The following ZNF471 variants were observed in gnomAD, a reference collection of about 807,000 sequenced individuals.
ZNF471 encodes the protein zinc finger protein 471.
Under a neutral mutation model 13.7 loss-of-function variants are expected in ZNF471, and 7 were observed. That is an observed-to-expected ratio of 0.51 (90% CI 0.29 to 0.96). The LOEUF (loss-of-function observed/expected upper bound fraction) is 0.96. Ranked by LOEUF, ZNF471 falls within the 40% of genes least tolerant of loss-of-function variation. ZNF471 has a pLI of 0.08. For missense variants in ZNF471, 663 were observed against 743.3 expected (o/e 0.89, Z 1.26); for synonymous variants, 218 against 235.6 (o/e 0.93, Z 0.68).
chr19:56,510,852 A>C lies in ZNF471; in HGVS notation c.-55-665A>C. 1 of 985,442 alleles carries C rather than the reference A, an allele frequency of 1.0e-6. No homozygotes were observed. Among genetic ancestry groups the C allele is most frequent in the Non-Finnish European group, 1.2e-6 (1 of 829,948 alleles). The allele number at this position is 985,442 out of a possible 1,614,324, so 61.0% of individuals were successfully genotyped here. ...GTAAGAAGCAAAGCTGGGGTGACTG[A>C]AGCTCCTAACTGAAGCAGGAGACAC... On this transcript the variant is annotated intron_variant, in intron 1 of 4. Coordinates refer to ENST00000308031, the MANE Select transcript of ZNF471 (RefSeq NM_020813.4). The surrounding 1 kb of genome is among the most constrained non-coding windows in gnomAD (Gnocchi z 4.3).
At position 56,525,219 on chromosome 19, in the gene ZNF471, C is replaced by T. The variant is rs370052697; in HGVS notation, c.1152C>T (p.Phe384=). ...PFNCIDCGKA[F]SVHIGLILHR... ...ATTGCATTGATTGTGGGAAAGCCTT[C>T]AGTGTTCACATAGGACTTATTCTGC... The change falls in exon 5 of 5, where the codon TTC becomes TTT. Residue 384 remains phenylalanine, a synonymous_variant. Coordinates refer to ENST00000308031, the MANE Select transcript of ZNF471 (RefSeq NM_020813.4). The T allele has an allele frequency of 1.9e-6, 3 of 1,614,016 alleles. No individual in the cohort carries two copies.
intron 2 of ZNF471, among the ~76,000 whole-genome samples, chr19:56,515,524 C>G (rs937067111): frequency 3.3e-5 from 5 of 152,146 alleles, no homozygotes; most frequent in African/African-American, 1.2e-4. Flanking sequence ...AAACACTAAT[C>G]TTCAGAACAA....
At chr19:56,512,086 G>A (rs2043819852) in intron 2 of ZNF471, among the ~76,000 whole-genome samples, 1 of 151,756 alleles carries the variant, frequency 6.6e-6, no homozygotes, top group Non-Finnish European at 1.5e-5. Flanking sequence ...TCGTTCACCT[G>A]AAAAATCTTA....
intron 2 of ZNF471, 68 bp downstream of exon 2, chr19:56,511,672 T>G: frequency 7.5e-7 from 1 of 1,325,614 alleles, no homozygotes; most frequent in Non-Finnish European, 1.1e-6. Context: ...GTAATGCTTC[T>G]TTTCTTTTGA....
chr19:56,523,819 T>TTTTTTG (rs1183897874), intron 4 of ZNF471, among the ~76,000 whole-genome samples: 12 of 152,104 alleles, frequency 7.9e-5, no homozygotes, highest in African/African-American at 2.4e-4. Context: ...TTTGTTTTTG[T>TTTTTTG]TTTTTGTTTT....
At position 56,524,585 on chromosome 19, in the gene ZNF471, T is replaced by C. The variant is rs1568475835; in HGVS notation, c.518T>C (p.Ile173Thr). ...GGGAAATGTATCCATCTGGAAAACA[T>C]AGAAGAGAGTATTTATAATCACACA... is the stretch of plus-strand genomic sequence containing the variant. ...KFGKCIHLEN[I>T]EESIYNHTSD... The change falls in exon 5 of 5, where the codon ATA (isoleucine) becomes ACA (threonine). Residue 173 changes from isoleucine (I) to threonine (T), a missense_variant. Physicochemically the swap from Ile to Thr is moderately conservative, Grantham distance 89. Transcript: ENST00000308031. This position sits in a 1 kb window ranked among gnomAD's most constrained non-coding sequence, Gnocchi z 4.8. 4 of 1,595,654 alleles carry C rather than the reference T, an allele frequency of 2.5e-6. No homozygotes were observed. Among genetic ancestry groups the C allele is most frequent in the Non-Finnish European group, 2.6e-6 (3 of 1,175,296 alleles).
chr19:56,520,107 A>T (rs573595167), intron 4 of ZNF471, among the ~76,000 whole-genome samples: 6 of 152,346 alleles, frequency 3.9e-5, no homozygotes, highest in Non-Finnish European at 8.8e-5. Context: ...GCTTGGATGT[A>T]CTTTATACTT....
At chr19:56,521,116 C>A (rs1219524681) in intron 4 of ZNF471, among the ~76,000 whole-genome samples, 1 of 152,130 alleles carries the variant, frequency 6.6e-6, no homozygotes, top group African/African-American at 2.4e-5. Context: ...ATGGGGGAAA[C>A]TGCCCCCATG....
Position 56,507,908 on chromosome 19 carries a change from G to T in ZNF471, c.-68G>T, listed in dbSNP as rs2043753587. 1.0e-6 allele frequency: 1 copy of T among 985,620 alleles called. No individual in the cohort carries two copies. The highest frequency in any genetic ancestry group is 1.2e-6 in the Non-Finnish European group (1 of 830,042). The allele number at this position is 985,620 out of a possible 1,614,324, so 61.1% of individuals were successfully genotyped here. A position where few individuals can be genotyped will look rare whatever the true frequency, so the allele number is the denominator to read the frequency against. ...TTCGGATGAGAGCGTCTGGGTGCCA[G>T]ACGAGGCCGGGGGTTTGTTTTGGGT... On this transcript the variant is annotated 5_prime_UTR_variant, in exon 1 of 5. Coordinates refer to ENST00000308031, the MANE Select transcript of ZNF471 (RefSeq NM_020813.4).
At chr19:56,511,441 A>AGAC in intron 1 of ZNF471, 76 bp from the exon 2 acceptor site, 12 of 1,144,516 alleles carry the variant, frequency 1.0e-5, no homozygotes, top group Non-Finnish European at 1.5e-5. Context: ...GGGAAGAAGA[A>AGAC]GACAGTTTTA....
At position 56,511,582 on chromosome 19, in the gene ZNF471, A is replaced by C. The variant is rs2043812527; in HGVS notation, c.11A>C (p.Glu4Ala). MNV[E>A]VVKVMPQDLV... ...GAAGAGAAGGCAAAAATGAATGTTG[A>C]AGTAGTAAAAGTCATGCCCCAGGTT... The change falls in exon 2 of 5, where the codon GAA (glutamate) becomes GCA (alanine). Residue 4 changes from glutamate to alanine, a missense_variant. Transcript: ENST00000308031. 1.9e-6 allele frequency: 3 copies of C among 1,613,968 alleles called. No individual in the cohort carries two copies. The highest frequency in any genetic ancestry group is 1.7e-6 in the Non-Finnish European group (2 of 1,179,854).
At chr19:56,517,175 T>C (rs1157926583) in intron 3 of ZNF471, among the ~76,000 whole-genome samples, 3 of 148,756 alleles carry the variant, frequency 2.0e-5, no homozygotes, top group Non-Finnish European at 4.5e-5. Flanking sequence ...ACAGTCTTGC[T>C]CTGTTGCCCA....
chr19:56,525,398 C>T lies in ZNF471; in HGVS notation c.1331C>T (p.Ala444Val). ...TGTGGGAAAGATTTTAGCCATCATG[C>T]ATCACTCACTCAGCATCAAAGAGTA... is the stretch of plus-strand genomic sequence containing the variant. ...DICGKDFSHH[A>V]SLTQHQRVHS... The change falls in exon 5 of 5, where the codon GCA becomes GTA. Residue 444 changes from alanine (A) to valine (V), a missense_variant. Transcript: ENST00000308031. 3.1e-6 allele frequency: 5 copies of T among 1,614,112 alleles called. No individual in the cohort carries two copies. The highest frequency in any genetic ancestry group is 2.2e-5 in the South Asian group (2 of 91,068).
At chr19:56,512,052 T>G (rs1157819742) in intron 2 of ZNF471, among the ~76,000 whole-genome samples, 1 of 152,082 alleles carries the variant, frequency 6.6e-6, no homozygotes, top group East Asian at 1.9e-4. Flanking sequence ...TCTTTACATT[T>G]TAAGTATGAA....
Position 56,526,029 on chromosome 19 carries a change from A to G in ZNF471, c.*81A>G. ...AGAGATGTCCCACTGGATAAAAAAC[A>G]TATAAATGTAAGAAATGTAGAAAAA... On this transcript the variant is annotated 3_prime_UTR_variant, in exon 5 of 5. Coordinates refer to ENST00000308031, the MANE Select transcript of ZNF471 (RefSeq NM_020813.4). 9 of 1,390,412 alleles carry G rather than the reference A, an allele frequency of 6.5e-6. No homozygotes were observed. The highest frequency in any genetic ancestry group is 8.7e-6 in the Non-Finnish European group (9 of 1,035,470). The allele number at this position is 1,390,412 out of a possible 1,614,324, so 86.1% of individuals were successfully genotyped here.
chr19:56,516,216 A>G lies in ZNF471; in HGVS notation c.34-59A>G. 6.3e-7 allele frequency: 1 copy of G among 1,575,876 alleles called. No individual in the cohort carries two copies. Among genetic ancestry groups the G allele is most frequent in the South Asian group, 1.1e-5 (1 of 88,524 alleles). On this transcript the variant is annotated intron_variant, in intron 2 of 4. Transcript: ENST00000308031. The surrounding 1 kb of genome is among the most constrained non-coding windows in gnomAD (Gnocchi z 4.4). ...CCTAAAGTAGAGACACTTTGGATCA[A>G]CTCAGAGTTATCTTTGGACACGAGC...
chr19:56,522,445 ATTAC>A lies in ZNF471; in HGVS notation c.257-1876_257-1873del, dbSNP rs1279061671. Among the ~76,000 whole-genome samples, 2 of 152,196 alleles carry A rather than the reference ATTAC, an allele frequency of 1.3e-5. No homozygotes were observed. Among genetic ancestry groups the A allele is most frequent in the Admixed American group, 6.5e-5 (1 of 15,282 alleles). On this transcript the variant is annotated intron_variant, in intron 4 of 4. Coordinates refer to ENST00000308031, the MANE Select transcript of ZNF471 (RefSeq NM_020813.4). This position sits in a 1 kb window ranked among gnomAD's most constrained non-coding sequence, Gnocchi z 4.1. ...TTTTTTGTTGGTCTTGTCTTCCTAA[ATTAC>A]TTTCTAAACTTTTCAAGAACAATTC...
At position 56,508,010 on chromosome 19, in the gene ZNF471, C is replaced by G. The variant is rs2043755026; in HGVS notation, c.-56+90C>G. On this transcript the variant is annotated intron_variant, in intron 1 of 4. Coordinates refer to ENST00000308031, the MANE Select transcript of ZNF471 (RefSeq NM_020813.4). The surrounding 1 kb of genome is among the most constrained non-coding windows in gnomAD (Gnocchi z 4.7). ...GCGGCTCCGACGCGGGTCGCGAAGG[C>G]CCAGCCGCGTCCTCTGTCCCCAGGA... is the stretch of plus-strand genomic sequence containing the variant. 1 of 985,740 alleles carries G rather than the reference C, an allele frequency of 1.0e-6. No homozygotes were observed. The allele number at this position is 985,740 out of a possible 1,614,324, so 61.1% of individuals were successfully genotyped here. A position where few individuals can be genotyped will look rare whatever the true frequency, so the allele number is the denominator to read the frequency against.
At chr19:56,509,573 C>T (rs764391625) in intron 1 of ZNF471, among the ~76,000 whole-genome samples, 6 of 152,130 alleles carry the variant, frequency 3.9e-5, no homozygotes, top group Non-Finnish European at 8.8e-5. Context: ...TAGGGCTGAG[C>T]CCTCAACCTG....
Sources: allele counts gnomAD v4.1 joint callset (sites outside exome capture counted in the v4.1 genomes callset), GRCh38; gene constraint gnomAD v4.1.1; non-coding constraint Gnocchi (gnomAD v3.1); transcripts MANE v1.5; gene names NCBI Gene and HGNC (gene_info 2026-07-23, HGNC 2026-07-21).